Variants in SCAMP4 observed in about 807,000 individuals in gnomAD.
SCAMP4 encodes secretory carrier membrane protein 4.
A neutral mutation model predicts 32.1 loss-of-function variants in SCAMP4; 19 were observed. The ratio of observed to expected loss-of-function variants is 0.59; its 90% CI spans 0.41 to 0.87. The LOEUF (loss-of-function observed/expected upper bound fraction) is 0.87, where lower values mean the gene tolerates loss of function less well. SCAMP4 is among the 40% of genes least tolerant of loss of function. The probability of loss-of-function intolerance (pLI) is 0.00; values close to 1 mark genes in which losing one functional copy is unlikely to be tolerated. For missense variants in SCAMP4, 302 were observed against 309.0 expected (o/e 0.98, Z 0.17); for synonymous variants, 152 against 132.7 (o/e 1.15, Z -1.00).
chr19:1,907,391 T>TAAAAAA (rs111426560), intron 1 of SCAMP4, among the ~76,000 whole-genome samples: 40 of 137,336 alleles, frequency 2.9e-4, no homozygotes, highest in African/African-American at 9.8e-4. Flanking sequence ...AGCCCTGCCT[T>TAAAAAA]AAAAAAAAAA....
At chr19:1,909,443 ATGTCCACC>A (rs2013319198) in intron 1 of SCAMP4, among the ~76,000 whole-genome samples, 1 of 152,024 alleles carries the variant, frequency 6.6e-6, no homozygotes, top group African/African-American at 2.4e-5. Flanking sequence ...CTACTGCCTC[ATGTCCACC>A]TGTGCCAGCA....
At chr19:1,914,553 G>T (rs1043495412) in intron 1 of SCAMP4, 16 of 230,340 alleles carry the variant, frequency 6.9e-5, no homozygotes, top group African/African-American at 3.4e-4. Flanking sequence ...AGGTGGGGCT[G>T]CTCTGGTGGG....
intron 5 of SCAMP4, chr19:1,920,212 T>C: frequency 1.0e-6 from 1 of 983,186 alleles, no homozygotes; most frequent in Non-Finnish European, 1.2e-6. Flanking sequence ...GTGTCTCCCT[T>C]GTCCTTGGCA....
chr19:1,918,011 G>C, intron 3 of SCAMP4, 116 bp from the exon 4 acceptor site: 1 of 1,414,790 alleles, frequency 7.1e-7, no homozygotes, highest in Non-Finnish European at 9.6e-7. Context: ...GTTCATCCTC[G>C]ACATGGGGTC....
intron 1 of SCAMP4, chr19:1,912,159 G>T: frequency 6.4e-7 from 1 of 1,570,526 alleles, no homozygotes; most frequent in African/African-American, 1.4e-5. Context: ...CCCGGAGCCT[G>T]AGCCGGCGCC....
At chr19:1,918,635 G>T in intron 4 of SCAMP4, 2 of 550,216 alleles carry the variant, frequency 3.6e-6, no homozygotes, top group Non-Finnish European at 6.2e-6. Flanking sequence ...GGTTGCGGGC[G>T]CCTATAATCC....
rs1328207544 is a variant in SCAMP4 at position 1,924,970 on chromosome 19, CT to C, written c.*687del. On this transcript the variant is annotated 3_prime_UTR_variant, in exon 7 of 7. Transcript: ENST00000316097. ...CCTGGCAGGCTGTCTTTCCACGCCC[CT>C]GAGTTCAGAGTCGGGGACCCAGGCC... 1 of 152,534 alleles carries C rather than the reference CT, an allele frequency of 6.6e-6. No individual in the cohort carries two copies. Among genetic ancestry groups the C allele is most frequent in the Non-Finnish European group, 1.5e-5 (1 of 68,272 alleles). 9.4% of individuals were successfully genotyped at this position (152,534 alleles called of 1,614,324 possible).
At chr19:1,910,135 C>T (rs745360679) in intron 1 of SCAMP4, among the ~76,000 whole-genome samples, 3 of 152,170 alleles carry the variant, frequency 2.0e-5, no homozygotes, top group African/African-American at 7.2e-5. Context: ...TTCTGTGGGT[C>T]GGGGCCTGAA....
Position 1,912,849 on chromosome 19 carries a change from G to A in SCAMP4, c.-41-2130G>A, listed in dbSNP as rs758520906. The A allele has an allele frequency of 2.9e-5, 46 of 1,595,822 alleles. No individual in the cohort carries two copies. Among genetic ancestry groups the A allele is most frequent in the East Asian group, 4.5e-5 (2 of 44,598 alleles). ...CAGACCCTTCCCCGCCTGCTCCTTC[G>A]CCCCGGCCGCTGCCCCCCAGGCCGT... On this transcript the variant is annotated intron_variant, in intron 1 of 6. Transcript: ENST00000316097.
At chr19:1,917,972 G>A in intron 3 of SCAMP4, 150 bp downstream of exon 3, 2 of 1,367,868 alleles carry the variant, frequency 1.5e-6, no homozygotes, top group Non-Finnish European at 2.0e-6. Flanking sequence ...CGAGGCTGGT[G>A]TCCAGGCCCC....
At chr19:1,918,614 T>C (rs867760558) in intron 4 of SCAMP4, 103 of 517,796 alleles carry the variant, frequency 2.0e-4, no homozygotes, top group African/African-American at 1.6e-3. Context: ...GTACAAAAAT[T>C]AGCCAGGCGT....
rs2014071035 is a variant in SCAMP4, at chr19:1,925,526, T to G, written c.*1242T>G. ...GAACACCTCTCCCAGGCAAGACATT[T>G]TCACAGCACCATTCACAACGGTTGG... On this transcript the variant is annotated 3_prime_UTR_variant, in exon 7 of 7. Transcript: ENST00000316097. 6.5e-6 allele frequency: 1 copy of G among 153,122 alleles called. No individual in the cohort carries two copies. Among genetic ancestry groups the G allele is most frequent in the East Asian group, 1.9e-4 (1 of 5,188 alleles). 9.5% of individuals were successfully genotyped at this position (153,122 alleles called of 1,614,324 possible).
chr19:1,914,187 A>T (rs1599245650), intron 1 of SCAMP4, among the ~76,000 whole-genome samples: 1 of 152,186 alleles, frequency 6.6e-6, no homozygotes, highest in Non-Finnish European at 1.5e-5. Context: ...GAAGTCAGGG[A>T]GGAGGGAGTG....
intron 1 of SCAMP4, chr19:1,913,242 T>C: frequency 6.9e-7 from 1 of 1,439,244 alleles, no homozygotes; most frequent in Middle Eastern, 2.6e-4. Flanking sequence ...CGCACAAGCC[T>C]GACCGTGGAT....
Position 1,925,949 on chromosome 19 carries a change from C to T in SCAMP4, c.*1665C>T, listed in dbSNP as rs1484543468. 1.3e-5 allele frequency: 2 copies of T among 151,946 alleles called. No individual in the cohort carries two copies. Among genetic ancestry groups the T allele is most frequent in the Non-Finnish European group, 2.9e-5 (2 of 67,966 alleles). The allele number at this position is 151,946 out of a possible 1,614,324, so 9.4% of individuals were successfully genotyped here. ...CTCCCCCGCCGTGTGTGGCCCCTCG[C>T]CGCATCGTTGGGGTTTTGTTATGTG... On this transcript the variant is annotated 3_prime_UTR_variant, in exon 7 of 7. Transcript: ENST00000316097.
At chr19:1,911,349 T>C (rs1167582494) in intron 1 of SCAMP4, among the ~76,000 whole-genome samples, 3 of 152,066 alleles carry the variant, frequency 2.0e-5, no homozygotes, top group Non-Finnish European at 4.4e-5. Context: ...TTTTTTGATA[T>C]TTAGTAGAAA....
rs564232472 is a variant in SCAMP4 at position 1,922,346 on chromosome 19, C to T, written c.396-724C>T. ...ACGATCTCGGCTCACTGCAGCCTCC[C>T]GCTTCAGCCTCCCAGATAGCTGGGA... On this transcript the variant is annotated intron_variant, in intron 5 of 6. Coordinates refer to ENST00000316097, the MANE Select transcript of SCAMP4 (RefSeq NM_079834.4). The T allele has an allele frequency of 3.4e-4, 285 of 826,106 alleles. 1 individual carries two copies. The African/African-American group carries it at 4.6e-3, about 13-fold the overall frequency. 51.2% of individuals were successfully genotyped at this position (826,106 alleles called of 1,614,324 possible).
intron 1 of SCAMP4, chr19:1,905,661 G>A (rs1046217307): frequency 5.0e-5 from 8 of 158,682 alleles, no homozygotes; most frequent in African/African-American, 1.7e-4. Flanking sequence ...GCTGGCCTGG[G>A]GGAAGCCTCA....
In SCAMP4 at chr19:1,921,552, C is replaced by G. The variant is rs1228533988; in HGVS notation, c.396-1518C>G. Reference sequence around the variant, plus strand: ...ACAGTGTGCTGGGTGCCTCCCTAGACCTGACACTTGCATGCGGGGGCGTGC... The same window carrying G: ...ACAGTGTGCTGGGTGCCTCCCTAGAGCTGACACTTGCATGCGGGGGCGTGC... On this transcript the variant is annotated intron_variant, in intron 5 of 6. Transcript: ENST00000316097. 12 of 985,334 alleles carry G rather than the reference C, an allele frequency of 1.2e-5. No homozygotes were observed. The Admixed American group carries it at 7.4e-4, about 61-fold the overall frequency. The allele number at this position is 985,334 out of a possible 1,614,324, so 61.0% of individuals were successfully genotyped here.
Sources: gnomAD v4.1 joint callset for allele counts (sites outside exome capture counted in the v4.1 genomes callset) on GRCh38, gnomAD v4.1.1 for gene constraint, MANE v1.5 for transcripts, NCBI Gene and HGNC (gene_info 2026-07-23, HGNC 2026-07-21) for gene names.